The following CREB5 variants were observed in gnomAD, a reference collection of about 807,000 sequenced individuals.
The protein encoded by CREB5 is cAMP responsive element binding protein 5, also known as cyclic AMP-responsive element-binding protein 5.
CREB5 carries 19 observed loss-of-function variants against 57.1 expected under a neutral mutation model. The observed-to-expected ratio is 0.33, with a 90% confidence interval of 0.23 to 0.49. The LOEUF (loss-of-function observed/expected upper bound fraction) is 0.49, where lower values mean the gene tolerates loss of function less well. Among genes scored for constraint, CREB5 ranks in the 20% least tolerant of loss-of-function variants. The pLI is 0.99. For synonymous variants in CREB5, 238 were observed against 238.3 expected (o/e 1.00, Z 0.01); for missense variants, 579 against 671.6 (o/e 0.86, Z 1.52).
chr7:28,614,800 A>G (rs1797534109), intron 5 of CREB5, among the ~76,000 whole-genome samples: 1 of 152,140 alleles, frequency 6.6e-6, no homozygotes, highest in Non-Finnish European at 1.5e-5. Context: ...AACCTGAACA[A>G]TTATCAGCTT....
intron 7 of CREB5, among the ~76,000 whole-genome samples, chr7:28,769,213 G>T (rs2128775008): frequency 6.6e-6 from 1 of 152,298 alleles, no homozygotes; most frequent in African/African-American, 2.4e-5. Context: ...TCATTCAGTG[G>T]ATATCTTGTT....
intron 5 of CREB5, among the ~76,000 whole-genome samples, chr7:28,599,511 G>A (rs939543883): frequency 5.9e-5 from 9 of 152,130 alleles, no homozygotes; most frequent in Non-Finnish European, 1.3e-4. Flanking sequence ...GTGGAGGTGG[G>A]AAACACTGTA....
rs371902182 is a variant in CREB5, at chr7:28,784,752, G to A, written c.703-19447G>A. On this transcript the variant is annotated intron_variant, in intron 7 of 10. Transcript: ENST00000357727. The stretch of plus-strand genomic sequence containing the variant: ...TGGGGGTGTGATGTGGTTGATGAGC[G>A]AAACGAAGGGTTATGATGTCTGCTT... Among the ~76,000 whole-genome samples, 58 of 152,258 alleles carry A rather than the reference G, an allele frequency of 3.8e-4. 1 individual carries two copies. In the South Asian group the frequency reaches 0.011, roughly 29 times the overall value.
intron 5 of CREB5, among the ~76,000 whole-genome samples, chr7:28,620,541 G>A (rs1483920610): frequency 6.6e-6 from 1 of 152,208 alleles, no homozygotes; most frequent in East Asian, 1.9e-4. Context: ...CTCAGGTAGT[G>A]AAGGTAGGCA....
At chr7:28,651,977 G>A (rs890866333) in intron 5 of CREB5, among the ~76,000 whole-genome samples, 2 of 152,046 alleles carry the variant, frequency 1.3e-5, no homozygotes, top group Non-Finnish European at 2.9e-5. Context: ...TGTAAAACAG[G>A]ATAAATAATG....
intron 5 of CREB5, among the ~76,000 whole-genome samples, chr7:28,641,227 A>G (rs1170199194): frequency 2.6e-5 from 4 of 152,118 alleles, no homozygotes; most frequent in Non-Finnish European, 4.4e-5. Flanking sequence ...CTGCTGCTTA[A>G]TAAGTTTGAA....
chr7:28,437,964 C>T (rs1282975604), intron 1 of CREB5, among the ~76,000 whole-genome samples: 2 of 152,124 alleles, frequency 1.3e-5, no homozygotes, highest in Non-Finnish European at 2.9e-5. Context: ...AAACACCAGT[C>T]ATTTATCCCT....
intron 1 of CREB5, among the ~76,000 whole-genome samples, chr7:28,447,560 C>A (rs1176602488): frequency 6.6e-6 from 1 of 152,120 alleles, no homozygotes; most frequent in Non-Finnish European, 1.5e-5. Flanking sequence ...AAAGCAGTAC[C>A]CGAGAATGTT....
intron 1 of CREB5, among the ~76,000 whole-genome samples, chr7:28,311,863 C>T (rs1193988136): frequency 6.6e-6 from 1 of 152,162 alleles, no homozygotes; most frequent in Non-Finnish European, 1.5e-5. Flanking sequence ...ACTGTCTCTG[C>T]CGTCTGCACT....
At chr7:28,695,159 C>G (rs907478721) in intron 5 of CREB5, among the ~76,000 whole-genome samples, 1 of 152,082 alleles carries the variant, frequency 6.6e-6, no homozygotes, top group African/African-American at 2.4e-5. Flanking sequence ...CCCGGTAGTT[C>G]CAGGCTGCAG....
At chr7:28,317,516 A>C (rs759360319) in intron 1 of CREB5, among the ~76,000 whole-genome samples, 1 of 152,256 alleles carries the variant, frequency 6.6e-6, no homozygotes, top group Non-Finnish European at 1.5e-5. Context: ...TATAGGCATC[A>C]AGAGGCAAAA....
intron 1 of CREB5, among the ~76,000 whole-genome samples, chr7:28,457,487 T>C (rs1261657303): frequency 2.0e-5 from 3 of 152,184 alleles, no homozygotes; most frequent in Non-Finnish European, 4.4e-5. Flanking sequence ...TCTTCATCTT[T>C]CCGCCAAAAT....
At chr7:28,687,875 C>T (rs941674825) in intron 5 of CREB5, among the ~76,000 whole-genome samples, 1 of 152,014 alleles carries the variant, frequency 6.6e-6, no homozygotes, top group Non-Finnish European at 1.5e-5. Flanking sequence ...TTGAGCAAAT[C>T]ACTTAAACCA....
At chr7:28,393,542 G>C (rs926727992) in intron 1 of CREB5, among the ~76,000 whole-genome samples, 2 of 152,094 alleles carry the variant, frequency 1.3e-5, no homozygotes, top group Non-Finnish European at 2.9e-5. Context: ...GTCAACTTTT[G>C]GCTTCTAGTC....
intron 5 of CREB5, among the ~76,000 whole-genome samples, chr7:28,709,008 C>T (rs376775008): frequency 2.0e-5 from 3 of 152,158 alleles, no homozygotes; most frequent in South Asian, 2.1e-4. Flanking sequence ...CAACTCACAA[C>T]GGAAAGAAAT....
chr7:28,696,589 G>C (rs1034960610), intron 5 of CREB5, among the ~76,000 whole-genome samples: 3 of 152,130 alleles, frequency 2.0e-5, no homozygotes, highest in Non-Finnish European at 2.9e-5. Context: ...GGAAGAAAAT[G>C]TGGTTTTCTG....
intron 5 of CREB5, among the ~76,000 whole-genome samples, chr7:28,590,757 T>G (rs1796479220): frequency 6.6e-6 from 1 of 151,844 alleles, no homozygotes; most frequent in African/African-American, 2.4e-5. Context: ...AAAGTTATAG[T>G]TAATCACTCA....
chr7:28,477,914 A>G (rs965839515), intron 1 of CREB5, among the ~76,000 whole-genome samples: 1 of 152,184 alleles, frequency 6.6e-6, no homozygotes, highest in Non-Finnish European at 1.5e-5. Flanking sequence ...CGGGAGTTTG[A>G]GACCAGCCTG....
At chr7:28,522,892 C>T (rs1318741419) in intron 4 of CREB5, among the ~76,000 whole-genome samples, 7 of 152,194 alleles carry the variant, frequency 4.6e-5, no homozygotes, top group Admixed American at 4.6e-4. Flanking sequence ...CACGACTGCT[C>T]TGCTCACCAA....
Sources: gnomAD v4.1 joint callset for allele counts (sites outside exome capture counted in the v4.1 genomes callset) on GRCh38, gnomAD v4.1.1 for gene constraint, MANE v1.5 for transcripts, NCBI Gene and HGNC (gene_info 2026-07-23, HGNC 2026-07-21) for gene names.